The following SLC5A12 variants were observed in gnomAD, a reference collection of about 807,000 sequenced individuals.
SLC5A12 encodes the protein sodium-coupled monocarboxylate transporter 2.
SLC5A12 carries 46 observed loss-of-function variants against 72.7 expected under a neutral mutation model. The observed-to-expected ratio is 0.63, with a 90% CI of 0.50 to 0.81. The LOEUF is 0.81. Among genes scored for constraint, SLC5A12 ranks in the 30% least tolerant of loss-of-function variants. The pLI is 0.00. For synonymous variants in SLC5A12, 275 were observed against 264.4 expected, an observed-to-expected ratio of 1.04 and a Z score of -0.39; for missense variants, 683 against 740.7, an observed-to-expected ratio of 0.92 and a Z score of 0.90.
At chr11:26,682,471 C>T (rs748597172) in intron 11 of SLC5A12, among the ~76,000 whole-genome samples, 7 of 152,100 alleles carry the variant, frequency 4.6e-5, no homozygotes, top group Non-Finnish European at 8.8e-5. Context: ...TAGCCACATT[C>T]TATGGGAAGG....
intron 9 of SLC5A12, among the ~76,000 whole-genome samples, chr11:26,689,979 G>A (rs566110414): frequency 8.5e-5 from 13 of 152,120 alleles, no homozygotes; most frequent in African/African-American, 1.4e-4. Flanking sequence ...TTATTGTTAA[G>A]AGAGCAAAGG....
intron 13 of SLC5A12, among the ~76,000 whole-genome samples, chr11:26,674,196 C>A (rs11029669): frequency 0.22 from 32,572 of 149,508 alleles, 3,962 homozygotes; most frequent in African/African-American, 0.36. Context: ...AATTTTAAGT[C>A]ATAAAGACTA....
intron 1 of SLC5A12, 81 bp from the exon 2 acceptor site, chr11:26,712,787 C>G: frequency 3.2e-6 from 3 of 927,902 alleles, no homozygotes; most frequent in South Asian, 3.7e-5. Context: ...CTTGGTATAT[C>G]CTCTGTTGTG....
rs1464481191 is a variant in SLC5A12, at chr11:26,668,390, T to C, written c.*2712A>G. ...CATTCCTAGTGCCATTTATTGAGAATGTCTCTGGTCATGCTGTGGCAAAAA... is the reference window on the plus strand; with the variant it reads ...CATTCCTAGTGCCATTTATTGAGAACGTCTCTGGTCATGCTGTGGCAAAAA... On this transcript the variant is annotated 3_prime_UTR_variant, in exon 15 of 15. Coordinates refer to ENST00000396005, the MANE Select transcript of SLC5A12 (RefSeq NM_178498.4). 2.0e-5 allele frequency: 3 copies of C among 152,084 alleles called. No individual in the cohort carries two copies. Among genetic ancestry groups the C allele is most frequent in the Admixed American group, 2.0e-4 (3 of 15,216 alleles). 9.4% of individuals were successfully genotyped at this position (152,084 alleles called of 1,614,324 possible).
At chr11:26,693,209 T>C (rs1854725909) in intron 8 of SLC5A12, among the ~76,000 whole-genome samples, 1 of 152,206 alleles carries the variant, frequency 6.6e-6, no homozygotes, top group Admixed American at 6.5e-5. Flanking sequence ...TTGGAAACTT[T>C]TTCCTTTGGA....
At chr11:26,710,915 G>GT (rs1855210596) in intron 3 of SLC5A12, among the ~76,000 whole-genome samples, 1 of 151,760 alleles carries the variant, frequency 6.6e-6, no homozygotes, top group Non-Finnish European at 1.5e-5. Context: ...AAATTTTAGT[G>GT]TAACTATTAC....
At chr11:26,683,654 C>A in intron 11 of SLC5A12, 103 bp downstream of exon 11, 1 of 894,560 alleles carries the variant, frequency 1.1e-6, no homozygotes. Flanking sequence ...GATTCTTTTC[C>A]TGGCTAAGAC....
intron 7 of SLC5A12, among the ~76,000 whole-genome samples, chr11:26,698,145 G>A (rs537787160): frequency 2.6e-5 from 4 of 151,926 alleles, no homozygotes; most frequent in East Asian, 1.9e-4. Flanking sequence ...TGATCTGCCC[G>A]CCTCGGCCTC....
chr11:26,710,348 C>T (rs929598331), intron 3 of SLC5A12, among the ~76,000 whole-genome samples: 1 of 152,104 alleles, frequency 6.6e-6, no homozygotes, highest in African/African-American at 2.4e-5. Flanking sequence ...GTCTTTATAA[C>T]AGAATGATTA....
At chr11:26,692,718 A>C (rs762051106) in intron 8 of SLC5A12, 117 bp from the exon 9 acceptor site, 15 of 634,500 alleles carry the variant, frequency 2.4e-5, no homozygotes, top group Non-Finnish European at 3.6e-5. Context: ...AGATGCAGAT[A>C]TATCTCTATC....
chr11:26,690,275 C>A (rs1854635836), intron 9 of SLC5A12, among the ~76,000 whole-genome samples: 1 of 151,808 alleles, frequency 6.6e-6, no homozygotes, highest in African/African-American at 2.4e-5. Context: ...ATAATGGAAA[C>A]ATTTTTAATT....
chr11:26,723,309 A>G (rs1185142381), upstream of SLC5A12: 1 of 152,554 alleles, frequency 6.6e-6, no homozygotes, highest in Non-Finnish European at 1.5e-5. Flanking sequence ...TTAGTTACCA[A>G]TAAAAATATG....
intron 6 of SLC5A12, among the ~76,000 whole-genome samples, chr11:26,700,030 T>C (rs966787128): frequency 1.3e-5 from 2 of 152,214 alleles, no homozygotes; most frequent in African/African-American, 4.8e-5. Flanking sequence ...TCTTTATCCT[T>C]AACAACTGTG....
At chr11:26,681,292 A>G in intron 11 of SLC5A12, 71 bp from the exon 12 acceptor site, 1 of 1,230,284 alleles carries the variant, frequency 8.1e-7, no homozygotes, top group Non-Finnish European at 1.1e-6. Context: ...TGAGATGAGG[A>G]GTTCTATGCC....
chr11:26,691,735 C>T (rs549224358), intron 9 of SLC5A12: 5 of 152,084 alleles, frequency 3.3e-5, no homozygotes, highest in Admixed American at 2.6e-4. Flanking sequence ...TAAGTAAATA[C>T]ATAATTTGTT....
intron 8 of SLC5A12, among the ~76,000 whole-genome samples, chr11:26,694,440 G>T (rs1307263078): frequency 1.3e-5 from 2 of 152,122 alleles, no homozygotes; most frequent in Non-Finnish European, 2.9e-5. Context: ...AAAAAATAAA[G>T]CATGTAGAGA....
chr11:26,680,409 A>ATATT (rs68008045), intron 12 of SLC5A12, among the ~76,000 whole-genome samples: 3 of 63,408 alleles, frequency 4.7e-5, no homozygotes, highest in Non-Finnish European at 1.1e-4. Flanking sequence ...ATATATATAT[A>ATATT]TTTCCTCATT....
chr11:26,673,599 T>C (rs1854196842), intron 13 of SLC5A12, 70 bp from the exon 14 acceptor site: 1 of 1,440,438 alleles, frequency 6.9e-7, no homozygotes, highest in East Asian at 2.6e-5. Context: ...ATTTAAACAT[T>C]GTCAACTTGA....
intron 4 of SLC5A12, 169 bp downstream of exon 4, chr11:26,709,143 T>C (rs757183546): frequency 1.5e-5 from 7 of 471,724 alleles, no homozygotes; most frequent in Middle Eastern, 3.6e-4. Flanking sequence ...ATGAAAAGAA[T>C]GTTAAACAAC....
Sources: allele counts gnomAD v4.1 joint callset (sites outside exome capture counted in the v4.1 genomes callset), GRCh38; gene constraint gnomAD v4.1.1; transcripts MANE v1.5; gene names NCBI Gene and HGNC (gene_info 2026-07-23, HGNC 2026-07-21).